Variants in DSC1 observed in about 807,000 individuals in gnomAD.
DSC1 encodes desmocollin-1.
A neutral mutation model predicts 98.8 loss-of-function variants in DSC1; 79 were observed. The ratio of observed to expected loss-of-function variants is 0.80; its 90% CI spans 0.67 to 0.96. The LOEUF (loss-of-function observed/expected upper bound fraction) is 0.96. Among genes scored for constraint, DSC1 ranks in the 50% least tolerant of loss-of-function variants. DSC1 has a pLI of 0.00. For missense variants in DSC1, 1,115 were observed against 1,075.9 expected, an observed-to-expected ratio of 1.04 and a Z score of -0.51; for synonymous variants, 405 against 372.1, an observed-to-expected ratio of 1.09 and a Z score of -1.02.
At chr18:31,157,814 GT>G (rs1989130823) in intron 2 of DSC1, among the ~76,000 whole-genome samples, 2 of 152,242 alleles carry the variant, frequency 1.3e-5, no homozygotes, top group South Asian at 4.1e-4. Context: ...TATTTTCCTA[GT>G]GTCACTGATT....
intron 8 of DSC1, 26 bp from the exon 9 acceptor site, chr18:31,142,210 T>C (rs775421905): frequency 6.3e-7 from 1 of 1,588,366 alleles, no homozygotes; most frequent in Admixed American, 1.9e-5. Flanking sequence ...CTTATTATTA[T>C]CAATTTACAA....
At chr18:31,156,262 C>T (rs1989096421) in intron 3 of DSC1, 100 bp from the exon 4 acceptor site, 4 of 1,408,156 alleles carry the variant, frequency 2.8e-6, no homozygotes, top group Non-Finnish European at 3.9e-6. Context: ...AAGGGTTACA[C>T]ATTACAATAT....
chr18:31,129,579 A>C lies in DSC1; in HGVS notation c.*935T>G, dbSNP rs1988440274. 6.6e-6 allele frequency: 1 copy of C among 152,164 alleles called. No individual in the cohort carries two copies. The highest frequency in any genetic ancestry group is 6.6e-5 in the Admixed American group (1 of 15,264). The allele number at this position is 152,164 out of a possible 1,614,324, so 9.4% of individuals were successfully genotyped here. ...CTCTGTATATCAGAGTTGCAGCCTA[A>C]TGCATCAGGGCTAGTTGTCCAAATG... On this transcript the variant is annotated 3_prime_UTR_variant, in exon 16 of 16. Coordinates refer to ENST00000257198, the MANE Select transcript of DSC1 (RefSeq NM_024421.2).
At chr18:31,161,247 C>T (rs1040369361) in intron 1 of DSC1, among the ~76,000 whole-genome samples, 3 of 151,984 alleles carry the variant, frequency 2.0e-5, no homozygotes, top group Non-Finnish European at 4.4e-5. Context: ...AAATGGTTCA[C>T]CTATACAGAC....
At chr18:31,157,347 G>T (rs375881561) in intron 3 of DSC1, 24 bp downstream of exon 3, 18 of 1,611,248 alleles carry the variant, frequency 1.1e-5, no homozygotes, top group Non-Finnish European at 5.9e-6. Context: ...ACTGTGCTAG[G>T]CTGCTTAAGC....
At chr18:31,135,770 T>C (rs1328003159) in intron 11 of DSC1, among the ~76,000 whole-genome samples, 1 of 152,102 alleles carries the variant, frequency 6.6e-6, no homozygotes, top group Non-Finnish European at 1.5e-5. Flanking sequence ...TGTAAAAGGA[T>C]AATAAACTAC....
chr18:31,157,251 A>G (rs545675843), intron 3 of DSC1, 120 bp downstream of exon 3: 1 of 1,090,034 alleles, frequency 9.2e-7, no homozygotes, highest in Admixed American at 2.7e-5. Flanking sequence ...GTAAGTGGAA[A>G]AGACAAATTT....
Position 31,138,842 on chromosome 18 carries a change from G to C in DSC1, c.1663+906C>G, listed in dbSNP as rs536169846. On this transcript the variant is annotated intron_variant, in intron 11 of 15. Coordinates refer to ENST00000257198, the MANE Select transcript of DSC1 (RefSeq NM_024421.2). ...AAAGAGTGGAAACCTTCTTGGATTA[G>C]GCAGGTAGTCAAACGAATAGGCTAT... 1.4e-4 allele frequency among the ~76,000 whole-genome samples: 21 copies of C among 151,952 alleles called. No homozygotes were observed. In the East Asian group the frequency reaches 3.9e-3, roughly 28 times the overall value.
rs550225374 is a variant in DSC1 at position 31,139,420 on chromosome 18, G to A, written c.1663+328C>T. On this transcript the variant is annotated intron_variant, in intron 11 of 15. Transcript: ENST00000257198. ...ACCTGTACTTCTGAAAAAAAACGGT[G>A]ATCCTTGAGTATGCCACCATTTCCT... is the stretch of plus-strand genomic sequence containing the variant. 1.2e-4 allele frequency among the ~76,000 whole-genome samples: 18 copies of A among 152,136 alleles called. No individual in the cohort carries two copies. In the South Asian group the frequency reaches 3.5e-3, roughly 30 times the overall value.
At position 31,140,038 on chromosome 18, in the gene DSC1, T is replaced by C. The variant is rs1193382454; in HGVS notation, c.1520+4A>G. On this transcript the variant is annotated splice_donor_region_variant and intron_variant, in intron 10 of 15. Coordinates refer to ENST00000257198, the MANE Select transcript of DSC1 (RefSeq NM_024421.2). Reference sequence around the variant, plus strand: ...ATTAAGGAGCTTTTTGAAAAGTACATCACCTTAAGCCTTCACCACTGGATA... The same window carrying C: ...ATTAAGGAGCTTTTTGAAAAGTACACCACCTTAAGCCTTCACCACTGGATA... 1.2e-6 allele frequency: 2 copies of C among 1,606,544 alleles called. No homozygotes were observed. Among genetic ancestry groups the C allele is most frequent in the Middle Eastern group, 1.7e-4 (1 of 6,000 alleles).
intron 11 of DSC1, 120 bp downstream of exon 11, chr18:31,139,628 C>A (rs1988685688): frequency 9.4e-7 from 1 of 1,065,360 alleles, no homozygotes; most frequent in Non-Finnish European, 1.3e-6. Flanking sequence ...ATAACATGAA[C>A]AATAAAAATG....
rs752751240 is a variant in DSC1, at chr18:31,156,143, G to A, written c.371C>T (p.Thr124Ile). ...RENKSPKKRH[T>I]KDTALKRSKR... ...GCTGCGCTTGAGGGCTGTGTCTTTG[G>A]TATGTCTCTTCTTAGGAGACTACAT... is the stretch of plus-strand genomic sequence containing the variant. The change falls in exon 4 of 16, where the codon ACC becomes ATC. Residue 124 changes from threonine (T) to isoleucine (I), a missense_variant. Thr to Ile is a moderately conservative substitution (Grantham distance 89). Coordinates refer to ENST00000257198, the MANE Select transcript of DSC1 (RefSeq NM_024421.2). 6.2e-7 allele frequency: 1 copy of A among 1,613,794 alleles called. No homozygotes were observed. The highest frequency in any genetic ancestry group is 8.5e-7 in the Non-Finnish European group (1 of 1,179,950).
chr18:31,155,368 A>G (rs1381775197), intron 4 of DSC1, among the ~76,000 whole-genome samples: 1 of 152,138 alleles, frequency 6.6e-6, no homozygotes, highest in African/African-American at 2.4e-5. Flanking sequence ...AGTGGCTCAC[A>G]CCTGTAATCC....
At chr18:31,144,125 G>A (rs1988793762) in intron 7 of DSC1, among the ~76,000 whole-genome samples, 1 of 152,044 alleles carries the variant, frequency 6.6e-6, no homozygotes, top group South Asian at 2.1e-4. Flanking sequence ...GCCCAGGCTG[G>A]TCACGAACTC....
chr18:31,148,064 A>G (rs1598623389), intron 6 of DSC1, among the ~76,000 whole-genome samples: 1 of 152,206 alleles, frequency 6.6e-6, no homozygotes, highest in South Asian at 2.1e-4. Context: ...TTCTCTATGG[A>G]TTTCTGGGTA....
At position 31,154,932 on chromosome 18, in the gene DSC1, G is replaced by T. The variant is rs762503061; in HGVS notation, c.472-3C>A. The T allele has an allele frequency of 6.2e-7, 1 of 1,611,988 alleles. No homozygotes were observed. The highest frequency in any genetic ancestry group is 8.5e-7 in the Non-Finnish European group (1 of 1,179,530). Reference sequence around the variant, plus strand: ...TTCTGTGCAGCATCAGATTGGATCTGCAGTAATAATTTAGGAATAGAACAA... The same window carrying T: ...TTCTGTGCAGCATCAGATTGGATCTTCAGTAATAATTTAGGAATAGAACAA... On this transcript the variant is annotated splice_polypyrimidine_tract_variant and splice_region_variant and intron_variant, in intron 4 of 15. Coordinates refer to ENST00000257198, the MANE Select transcript of DSC1 (RefSeq NM_024421.2).
chr18:31,153,889 T>C (rs1031982331), intron 5 of DSC1, among the ~76,000 whole-genome samples: 2 of 152,196 alleles, frequency 1.3e-5, no homozygotes, highest in Non-Finnish European at 2.9e-5. Flanking sequence ...CACTAACTAC[T>C]ACTCATTCTC....
Position 31,148,557 on chromosome 18 carries a change from T to C in DSC1, c.713A>G (p.Asn238Ser), listed in dbSNP as rs1239587411. Residue 238 changes from asparagine to serine, a missense_variant, in exon 6 of 16, where the codon AAC becomes AGC. Transcript: ENST00000257198. ...LIIKIEDDND[N>S]APYFEHRVTI... ...CACTCTGTGTTCAAAATATGGGGCGTTATCATTATCATCTTCAATTTTGAT... is the reference window on the plus strand; with the variant it reads ...CACTCTGTGTTCAAAATATGGGGCGCTATCATTATCATCTTCAATTTTGAT... The C allele has an allele frequency of 6.2e-7, 1 of 1,612,418 alleles. No individual in the cohort carries two copies. Among genetic ancestry groups the C allele is most frequent in the Admixed American group, 1.7e-5 (1 of 60,000 alleles).
intron 3 of DSC1, among the ~76,000 whole-genome samples, 172 bp downstream of exon 3, chr18:31,157,199 C>T (rs1769452163): frequency 6.6e-6 from 1 of 152,192 alleles, no homozygotes; most frequent in African/African-American, 2.4e-5. Flanking sequence ...TTGTAAATGG[C>T]TCTGCCACTC....
Sources: gnomAD v4.1 joint callset for allele counts (sites outside exome capture counted in the v4.1 genomes callset) on GRCh38, gnomAD v4.1.1 for gene constraint, MANE v1.5 for transcripts, NCBI Gene and HGNC (gene_info 2026-07-23, HGNC 2026-07-21) for gene names.